GLIS3: variants seen among roughly 807,000 people sequenced by gnomAD.
GLIS3 encodes the protein GLIS family zinc finger 3.
Under a neutral mutation model 78.6 loss-of-function variants are expected in GLIS3, and 53 were observed. The observed-to-expected ratio is 0.67, with a 90% CI of 0.54 to 0.85. GLIS3 has a LOEUF of 0.85. Ranked by LOEUF, GLIS3 falls within the 40% of genes least tolerant of loss-of-function variation. The pLI, the probability that GLIS3 is intolerant of heterozygous loss-of-function variation, is 0.00. For synonymous variants in GLIS3, 684 were observed against 509.9 expected (o/e 1.34, Z -4.60); for missense variants, 1,703 against 1,231.1 (o/e 1.38, Z -5.74).
chr9:4,083,220 C>T (rs564008133), intron 4 of GLIS3, among the ~76,000 whole-genome samples: 16 of 152,226 alleles, frequency 1.1e-4, no homozygotes, highest in Non-Finnish European at 1.9e-4. Flanking sequence ...TTAATGAAAA[C>T]ACAGTTGTCT....
intron 4 of GLIS3, among the ~76,000 whole-genome samples, chr9:4,046,247 T>C (rs572409219): frequency 1.1e-3 from 168 of 152,368 alleles, no homozygotes; most frequent in African/African-American, 3.9e-3. Flanking sequence ...GGCTCTATTC[T>C]TGACCTGCCC....
Position 4,177,521 on chromosome 9 carries a change from C to T in GLIS3, c.389-51580G>A, listed in dbSNP as rs141677385. On this transcript the variant is annotated intron_variant, in intron 2 of 10. Coordinates refer to ENST00000381971, the MANE Select transcript of GLIS3 (RefSeq NM_001042413.2). ...GCTGAAGCAAGATACCCTCCCTTCT[C>T]CTCATTCACTCAACTCCTCCCATAG... 9.2e-5 allele frequency among the ~76,000 whole-genome samples: 14 copies of T among 152,292 alleles called. No homozygotes were observed. In the East Asian group the frequency reaches 2.7e-3, roughly 29 times the overall value.
At chr9:4,377,665 G>C in the GLIS3 span, among the ~76,000 whole-genome samples, 4 of 152,076 alleles carry the variant, frequency 2.6e-5, no homozygotes, top group African/African-American at 9.7e-5. Context: ...AGGCCATCTA[G>C]AATATGGCTG....
At chr9:3,924,415 G>C (rs1447481522) in intron 6 of GLIS3, among the ~76,000 whole-genome samples, 1 of 152,214 alleles carries the variant, frequency 6.6e-6, no homozygotes, top group Non-Finnish European at 1.5e-5. Flanking sequence ...TGTAACTTAA[G>C]CTAAGTCCTG....
intron 2 of GLIS3, among the ~76,000 whole-genome samples, chr9:4,320,449 G>A (rs1369917255): frequency 6.6e-6 from 1 of 152,150 alleles, no homozygotes. Context: ...TTATTGCCAA[G>A]CCAGAAACTT....
chr9:4,078,918 C>A (rs1483115502), intron 4 of GLIS3, among the ~76,000 whole-genome samples: 1 of 152,132 alleles, frequency 6.6e-6, no homozygotes, highest in Non-Finnish European at 1.5e-5. Context: ...CCCCACCCCA[C>A]AACATCAGAA....
At chr9:3,897,265 A>C (rs1025757407) in intron 7 of GLIS3, among the ~76,000 whole-genome samples, 1 of 152,138 alleles carries the variant, frequency 6.6e-6, no homozygotes, top group Admixed American at 6.5e-5. Flanking sequence ...ACTGTTGACT[A>C]TTGGGTTCCA....
chr9:4,054,535 C>G lies in GLIS3; in HGVS notation c.1710+63233G>C. ...CAGTCTACAGAGAAGGAGGCAAACA[C>G]AGATCTGATCAGTGCGGAGCAGGTC... On this transcript the variant is annotated intron_variant, in intron 4 of 10. Transcript: ENST00000381971. 4.1e-6 allele frequency: 4 copies of G among 975,712 alleles called. No homozygotes were observed. In the South Asian group the frequency reaches 1.9e-4, roughly 46 times the overall value. The allele number at this position is 975,712 out of a possible 1,614,324, so 60.4% of individuals were successfully genotyped here. A position where few individuals can be genotyped will look rare whatever the true frequency, so the allele number is the denominator to read the frequency against.
chr9:3,949,749 G>C (rs1463845991), intron 4 of GLIS3, among the ~76,000 whole-genome samples: 1 of 152,146 alleles, frequency 6.6e-6, no homozygotes, highest in Non-Finnish European at 1.5e-5. Flanking sequence ...TAAATCAATG[G>C]AATATTTGCC....
chr9:4,456,327 G>A, the GLIS3 span, among the ~76,000 whole-genome samples: 3 of 152,160 alleles, frequency 2.0e-5, no homozygotes, highest in East Asian at 5.8e-4. Context: ...GAATGTTGGG[G>A]TGGCTGTGGC....
chr9:3,860,254 G>T (rs1490898138), intron 8 of GLIS3, among the ~76,000 whole-genome samples: 1 of 98,956 alleles, frequency 1.0e-5, no homozygotes, highest in Non-Finnish European at 2.0e-5. Flanking sequence ...CAGCCTGGGT[G>T]ACAGAGCAAG....
intron 7 of GLIS3, 114 bp from the exon 8 acceptor site, chr9:3,879,709 T>A: frequency 8.9e-7 from 1 of 1,124,602 alleles, no homozygotes; most frequent in Non-Finnish European, 1.3e-6. Context: ...TTTCTCTCAG[T>A]GGTTTTCAGG....
At chr9:3,898,979 A>G (rs1823082392) in intron 6 of GLIS3, 144 bp from the exon 7 acceptor site, 2 of 984,360 alleles carry the variant, frequency 2.0e-6, no homozygotes, top group African/African-American at 3.2e-5. Flanking sequence ...AGAGCTTAAC[A>G]GAGTGTCAAT....
At chr9:4,200,032 A>T (rs148901431) in intron 2 of GLIS3, among the ~76,000 whole-genome samples, 1 of 152,328 alleles carries the variant, frequency 6.6e-6, no homozygotes, top group Non-Finnish European at 1.5e-5. Context: ...ATTACATGGA[A>T]ATTAACTTAC....
chr9:4,317,178 T>C (rs1817449163), intron 2 of GLIS3, among the ~76,000 whole-genome samples: 1 of 152,252 alleles, frequency 6.6e-6, no homozygotes, highest in Non-Finnish European at 1.5e-5. Context: ...AATATATTCT[T>C]GCATACTTTA....
At chr9:4,249,829 G>A (rs1431888974) in intron 2 of GLIS3, among the ~76,000 whole-genome samples, 1 of 152,194 alleles carries the variant, frequency 6.6e-6, no homozygotes, top group Non-Finnish European at 1.5e-5. Context: ...TTAGCATGAA[G>A]CTGTGTTGAA....
chr9:4,031,521 T>A (rs1823830839), intron 4 of GLIS3, among the ~76,000 whole-genome samples: 1 of 152,220 alleles, frequency 6.6e-6, no homozygotes, highest in Non-Finnish European at 1.5e-5. Flanking sequence ...ATGGGTAGAT[T>A]TATCTTAGGG....
At chr9:4,107,504 A>G (rs1586688431) in intron 4 of GLIS3, among the ~76,000 whole-genome samples, 2 of 152,194 alleles carry the variant, frequency 1.3e-5, no homozygotes, top group Non-Finnish European at 2.9e-5. Flanking sequence ...TCACTATACA[A>G]TCATAAGGAG....
chr9:4,247,798 A>G (rs564143851), intron 2 of GLIS3, among the ~76,000 whole-genome samples: 1 of 152,218 alleles, frequency 6.6e-6, no homozygotes, highest in Non-Finnish European at 1.5e-5. Flanking sequence ...TTTTACTTTT[A>G]TGTAGTACAA....
Sources: allele counts gnomAD v4.1 joint callset (sites outside exome capture counted in the v4.1 genomes callset), GRCh38; gene constraint gnomAD v4.1.1; transcripts MANE v1.5; gene names NCBI Gene and HGNC (gene_info 2026-07-23, HGNC 2026-07-21).